Variants in CAST observed in about 807,000 individuals in gnomAD.
CAST encodes MIR583 host.
In CAST, 76 loss-of-function variants were observed where a neutral mutation model predicts 119.6. The ratio of observed to expected loss-of-function variants is 0.64; its 90% CI spans 0.53 to 0.77. CAST has a LOEUF of 0.77. Ranked by LOEUF, CAST falls within the 30% of genes least tolerant of loss-of-function variation. The probability of loss-of-function intolerance (pLI) is 0.00; values close to 1 mark genes in which losing one functional copy is unlikely to be tolerated. For missense variants in CAST, 953 were observed against 946.5 expected (o/e 1.01, Z -0.09); for synonymous variants, 319 against 331.6 (o/e 0.96, Z 0.41).
rs911704918 is a variant in CAST, at chr5:96,551,443, G to A, written c.60+21563G>A. 2.6e-5 allele frequency among the ~76,000 whole-genome samples: 4 copies of A among 152,186 alleles called. No homozygotes were observed. In the South Asian group the frequency reaches 6.2e-4, roughly 24 times the overall value. On this transcript the variant is annotated intron_variant, in intron 1 of 11. Coordinates refer to the CAST transcript ENST00000505143. ...GCATGAAACATGGAAAGGAACAACTGGTACCAGCCACTGCAAAAACATGCC... is the reference window on the plus strand; with the variant it reads ...GCATGAAACATGGAAAGGAACAACTAGTACCAGCCACTGCAAAAACATGCC...
the CAST span, among the ~76,000 whole-genome samples, chr5:96,378,249 G>A: frequency 1.3e-4 from 20 of 152,174 alleles, no homozygotes; most frequent in South Asian, 6.2e-4. Context: ...GAGCTCTAAC[G>A]TACAGTGTGG....
intron 1 of CAST, among the ~76,000 whole-genome samples, chr5:96,565,220 A>T (rs573564354): frequency 6.6e-6 from 1 of 152,150 alleles, no homozygotes; most frequent in South Asian, 2.1e-4. Flanking sequence ...CTTTCAAAAC[A>T]TGCCCATACC....
the CAST span, among the ~76,000 whole-genome samples, chr5:96,158,484 A>T: frequency 6.6e-6 from 1 of 152,172 alleles, no homozygotes; most frequent in East Asian, 1.9e-4. Context: ...TCACTAGATA[A>T]TATATTTAAA....
chr5:96,631,753 C>T (rs1240855172), intron 1 of CAST, among the ~76,000 whole-genome samples: 1 of 152,002 alleles, frequency 6.6e-6, no homozygotes, highest in African/African-American at 2.4e-5. Context: ...AGGATGGTCT[C>T]GATATCCCGA....
chr5:96,246,517 G>A, the CAST span, among the ~76,000 whole-genome samples: 1 of 152,192 alleles, frequency 6.6e-6, no homozygotes, highest in African/African-American at 2.4e-5. Flanking sequence ...GGATCAGCTA[G>A]AATTGTGAAC....
At chr5:96,476,616 AGC>A in the CAST span, among the ~76,000 whole-genome samples, 1 of 152,232 alleles carries the variant, frequency 6.6e-6, no homozygotes, top group Non-Finnish European at 1.5e-5. Flanking sequence ...GAAAATTATA[AGC>A]ACGTTTCAAA....
chr5:96,134,918 G>A, the CAST span, among the ~76,000 whole-genome samples: 18 of 152,134 alleles, frequency 1.2e-4, no homozygotes, highest in African/African-American at 4.3e-4. Context: ...AAAATATAAA[G>A]GGAAGACCTC....
chr5:96,751,825 C>T (rs1279534591), intron 20 of CAST, among the ~76,000 whole-genome samples: 1 of 152,184 alleles, frequency 6.6e-6, no homozygotes, highest in Non-Finnish European at 1.5e-5. Flanking sequence ...CAACTTTACC[C>T]TGACTGTAGA....
At chr5:96,403,464 G>A in the CAST span, among the ~76,000 whole-genome samples, 3 of 152,012 alleles carry the variant, frequency 2.0e-5, no homozygotes, top group South Asian at 6.2e-4. Flanking sequence ...CAGAGTTATT[G>A]TTCATTCGTG....
At chr5:96,677,428 A>G (rs1363013546) in intron 2 of CAST, among the ~76,000 whole-genome samples, 1 of 152,248 alleles carries the variant, frequency 6.6e-6, no homozygotes, top group Non-Finnish European at 1.5e-5. Context: ...AGTTAAGTAT[A>G]TAATGTCTGG....
chr5:96,215,429 G>C, the CAST span: 1 of 152,104 alleles, frequency 6.6e-6, no homozygotes, highest in Non-Finnish European at 1.5e-5. Flanking sequence ...AGTGAGAAGA[G>C]AGGCCTTCTT....
chr5:96,738,048 G>A (rs1445794504), intron 11 of CAST, 101 bp downstream of exon 11: 7 of 678,414 alleles, frequency 1.0e-5, no homozygotes, highest in East Asian at 2.7e-5. Flanking sequence ...GAGGCCAGGC[G>A]CAGTGGCTCA....
At chr5:96,371,069 C>CAG in the CAST span, among the ~76,000 whole-genome samples, 1 of 152,206 alleles carries the variant, frequency 6.6e-6, no homozygotes, top group Admixed American at 6.5e-5. Context: ...CTGTGTCTTG[C>CAG]AGACCCCAGT....
chr5:96,519,443 A>T, the CAST span, among the ~76,000 whole-genome samples: 1 of 152,206 alleles, frequency 6.6e-6, no homozygotes, highest in Non-Finnish European at 1.5e-5. Context: ...AATTGCAAGC[A>T]GCTAATTTTG....
the CAST span, chr5:96,318,654 A>T: frequency 6.6e-6 from 1 of 152,226 alleles, no homozygotes; most frequent in African/African-American, 2.4e-5. Context: ...AAGACACTGC[A>T]TCTGAAGTCA....
chr5:96,182,127 A>T, the CAST span, among the ~76,000 whole-genome samples: 1 of 152,252 alleles, frequency 6.6e-6, no homozygotes, highest in Non-Finnish European at 1.5e-5. Context: ...ATCTTGAAAT[A>T]CTTTATAAGT....
Position 96,534,728 on chromosome 5 carries a change from A to AAG in CAST, c.60+4848_60+4849insAG, listed in dbSNP as rs1561408787. ...GAAGGAAGGAAGGAGAGAGAGAGAG[A>AAG]GAGAGAGAGAGAGAAAGAAAGAAAG... On this transcript the variant is annotated intron_variant, in intron 1 of 11. Transcript: ENST00000505143. 9.5e-3 allele frequency among the ~76,000 whole-genome samples: 160 copies of AAG among 16,856 alleles called. 8 individuals carry two copies. Among genetic ancestry groups the AAG allele is most frequent in the Middle Eastern group, 0.032 (2 of 62 alleles). 11.1% of individuals were successfully genotyped at this position (16,856 alleles called of 152,430 possible).
chr5:96,762,414 A>T lies in CAST; in HGVS notation c.1932+42A>T, dbSNP rs768365176. 3.6e-6 allele frequency: 5 copies of T among 1,406,362 alleles called. 1 individual carries two copies. The South Asian group carries it at 5.4e-5, about 15-fold the overall frequency. 87.1% of individuals were successfully genotyped at this position (1,406,362 alleles called of 1,614,324 possible). The stretch of plus-strand genomic sequence containing the variant: ...ATTTGGGAGATAAATGTTTTTGCGC[A>T]GCCACAACTAGAAAGAAAATAGGGC... On this transcript the variant is annotated intron_variant, in intron 25 of 31. Transcript: ENST00000675179.
chr5:96,594,408 G>A (rs1026716001), intron 1 of CAST, among the ~76,000 whole-genome samples: 1 of 152,168 alleles, frequency 6.6e-6, no homozygotes, highest in Non-Finnish European at 1.5e-5. Context: ...GCCTTGTGGA[G>A]CATTTCTACT....
Sources: allele counts gnomAD v4.1 joint callset (sites outside exome capture counted in the v4.1 genomes callset), GRCh38; gene constraint gnomAD v4.1.1; transcripts MANE v1.5; gene names NCBI Gene and HGNC (gene_info 2026-07-23, HGNC 2026-07-21).